The following BNC2 variants were observed in gnomAD, a reference collection of about 807,000 sequenced individuals.
The protein encoded by BNC2 is zinc finger protein basonuclin-2.
A neutral mutation model predicts 76.3 loss-of-function variants in BNC2; 20 were observed. That is an observed-to-expected ratio of 0.26 (90% CI 0.18 to 0.38). The LOEUF is 0.38. Among genes scored for constraint, BNC2 ranks in the 10% least tolerant of loss-of-function variants. The pLI, the probability that BNC2 is intolerant of heterozygous loss-of-function variation, is 1.00. For missense variants in BNC2, 1,382 were observed against 1,399.8 expected (o/e 0.99, Z 0.20); for synonymous variants, 582 against 514.8 (o/e 1.13, Z -1.77).
intron 3 of BNC2, chr9:16,685,726 C>T (rs113805969): frequency 0.013 from 9,542 of 725,298 alleles, 104 homozygotes; most frequent in Middle Eastern, 0.027. Context: ...ATCCCAACTG[C>T]GGGTCTCTAA....
intron 3 of BNC2, among the ~76,000 whole-genome samples, chr9:16,669,381 T>A (rs750301820): frequency 3.5e-4 from 53 of 152,310 alleles, no homozygotes; most frequent in Middle Eastern, 3.4e-3. Flanking sequence ...TAACCTCAAA[T>A]AATCCAACTA....
chr9:16,766,470 G>C (rs1825698738), intron 1 of BNC2, among the ~76,000 whole-genome samples: 1 of 151,938 alleles, frequency 6.6e-6, no homozygotes, highest in Non-Finnish European at 1.5e-5. Flanking sequence ...CAATCTACTG[G>C]GATGGGAACC....
chr9:16,417,557 A>G lies in BNC2; in HGVS notation c.*1432T>C, dbSNP rs1238020623. The G allele has an allele frequency of 6.6e-6, 1 of 152,156 alleles. No homozygotes were observed. Among genetic ancestry groups the G allele is most frequent in the East Asian group, 1.9e-4 (1 of 5,188 alleles). The allele number at this position is 152,156 out of a possible 1,614,324, so 9.4% of individuals were successfully genotyped here. On this transcript the variant is annotated 3_prime_UTR_variant, in exon 7 of 7. Transcript: ENST00000380672. ...TACTGCTGCTGTTAAATGCCTTTTG[A>G]TTTTGTCTACCAAACAGGCCTGAAT... is the stretch of plus-strand genomic sequence containing the variant.
chr9:16,847,399 G>C (rs1298709832), intron 1 of BNC2, among the ~76,000 whole-genome samples: 1 of 35,296 alleles, frequency 2.8e-5, no homozygotes, highest in Non-Finnish European at 1.0e-4. Flanking sequence ...GATTTCTCGG[G>C]GCGGGGGGGG....
At chr9:16,461,716 G>A (rs1003989664) in intron 5 of BNC2, among the ~76,000 whole-genome samples, 2 of 152,122 alleles carry the variant, frequency 1.3e-5, no homozygotes, top group Admixed American at 1.3e-4. Context: ...AGTGATTCAA[G>A]GAGGTTACAA....
chr9:16,857,369 C>T (rs1326900169), intron 1 of BNC2, among the ~76,000 whole-genome samples: 1 of 150,498 alleles, frequency 6.6e-6, no homozygotes, highest in Non-Finnish European at 1.5e-5. Context: ...CCCAGCTACT[C>T]GGGAGGCTAA....
intron 5 of BNC2, among the ~76,000 whole-genome samples, chr9:16,545,806 A>G (rs1362107708): frequency 6.6e-6 from 1 of 152,186 alleles, no homozygotes; most frequent in Non-Finnish European, 1.5e-5. Context: ...GAGAACCTTC[A>G]TCTTCTCTCA....
chr9:16,720,156 T>C (rs1297400511), intron 3 of BNC2, among the ~76,000 whole-genome samples: 1 of 152,200 alleles, frequency 6.6e-6, no homozygotes, highest in Admixed American at 6.5e-5. Context: ...GACAGTCCTG[T>C]CAGCACTCAC....
chr9:16,577,180 T>C (rs371757119), intron 4 of BNC2, among the ~76,000 whole-genome samples: 11 of 152,318 alleles, frequency 7.2e-5, no homozygotes, highest in South Asian at 6.2e-4. Flanking sequence ...TAAATTTGCA[T>C]GGTAATATTT....
At chr9:16,631,886 G>A (rs753955870) in intron 3 of BNC2, among the ~76,000 whole-genome samples, 1 of 152,168 alleles carries the variant, frequency 6.6e-6, no homozygotes, top group Non-Finnish European at 1.5e-5. Context: ...AAGTTTAGTA[G>A]CCAACCAGGC....
At chr9:16,697,253 G>T (rs557719199) in intron 3 of BNC2, among the ~76,000 whole-genome samples, 2 of 152,314 alleles carry the variant, frequency 1.3e-5, no homozygotes, top group African/African-American at 4.8e-5. Flanking sequence ...AGCTACTCAG[G>T]AGGCTGAGGC....
At chr9:16,621,538 T>C (rs1012973304) in intron 3 of BNC2, among the ~76,000 whole-genome samples, 3 of 152,192 alleles carry the variant, frequency 2.0e-5, no homozygotes, top group Admixed American at 1.3e-4. Flanking sequence ...TAACGACTTA[T>C]ATAAGGTTTC....
At chr9:16,731,481 AAAGT>A (rs1824502403) in intron 2 of BNC2, among the ~76,000 whole-genome samples, 1 of 152,198 alleles carries the variant, frequency 6.6e-6, no homozygotes, top group Non-Finnish European at 1.5e-5. Flanking sequence ...ATACTTACAC[AAAGT>A]AAGAAACTCA....
chr9:16,420,512 A>C (rs1469131468), intron 6 of BNC2, among the ~76,000 whole-genome samples: 1 of 152,132 alleles, frequency 6.6e-6, no homozygotes, highest in Non-Finnish European at 1.5e-5. Flanking sequence ...ACTGAACAAC[A>C]GAAAGAAAAC....
intron 1 of BNC2, among the ~76,000 whole-genome samples, chr9:16,858,272 C>T (rs369658498): frequency 1.3e-5 from 2 of 152,274 alleles, no homozygotes; most frequent in South Asian, 2.1e-4. Flanking sequence ...TGTCTCTTAT[C>T]ATACGGAACA....
In BNC2 at chr9:16,418,705, T is replaced by C. The variant is rs2119022411; in HGVS notation, c.*284A>G. The stretch of plus-strand genomic sequence containing the variant: ...GTGTGTGTGTGTATGTGCATGTGTG[T>C]GTGTGTGTGTTTAAAGGGGTACTCT... On this transcript the variant is annotated 3_prime_UTR_variant, in exon 7 of 7. Transcript: ENST00000380672. 7.2e-6 allele frequency: 3 copies of C among 417,850 alleles called. No homozygotes were observed. Among genetic ancestry groups the C allele is most frequent in the Middle Eastern group, 7.7e-4 (1 of 1,294 alleles). 25.9% of individuals were successfully genotyped at this position (417,850 alleles called of 1,614,324 possible).
chr9:16,676,695 C>T (rs1822653447), intron 3 of BNC2, among the ~76,000 whole-genome samples: 1 of 152,170 alleles, frequency 6.6e-6, no homozygotes, highest in Non-Finnish European at 1.5e-5. Context: ...TTAATGCTGC[C>T]TAAGCAGATG....
At chr9:16,693,560 G>A (rs2134452942) in intron 3 of BNC2, among the ~76,000 whole-genome samples, 1 of 152,268 alleles carries the variant, frequency 6.6e-6, no homozygotes, top group Non-Finnish European at 1.5e-5. Context: ...ATTAAAGTTT[G>A]AGGCTCCCTA....
intron 3 of BNC2, chr9:16,665,066 T>C (rs1286371026): frequency 2.2e-6 from 1 of 456,216 alleles, no homozygotes; most frequent in East Asian, 7.0e-5. Context: ...AGGAAGTACC[T>C]TAGAAATCAT....
Sources: gnomAD v4.1 joint callset for allele counts (sites outside exome capture counted in the v4.1 genomes callset) on GRCh38, gnomAD v4.1.1 for gene constraint, MANE v1.5 for transcripts, NCBI Gene and HGNC (gene_info 2026-07-23, HGNC 2026-07-21) for gene names.